The following FBXO2 variants were observed in gnomAD, a reference collection of about 807,000 sequenced individuals.
The protein encoded by FBXO2 is F-box protein 2, also known as F-box only protein 2.
A neutral mutation model predicts 38.6 loss-of-function variants in FBXO2; 32 were observed. That is an observed-to-expected ratio of 0.83 (90% confidence interval 0.62 to 1.11). The LOEUF is 1.11. Ranked by LOEUF, FBXO2 falls within the 50% of genes most tolerant of loss-of-function variation. The pLI is 0.00. For missense variants in FBXO2, 450 were observed against 418.3 expected, an observed-to-expected ratio of 1.08 and a Z score of -0.66; for synonymous variants, 189 against 182.9, an observed-to-expected ratio of 1.03 and a Z score of -0.27.
At chr1:11,652,810 ACCT>A (rs758149884) in intron 1 of FBXO2, among the ~76,000 whole-genome samples, 18 of 152,086 alleles carry the variant, frequency 1.2e-4, no homozygotes, top group Non-Finnish European at 2.6e-4. Context: ...CCAGCCCCTA[ACCT>A]CCTCATATGC....
Position 11,648,910 on chromosome 1 carries a change from G to T in FBXO2, c.757-82C>A. On this transcript the variant is annotated intron_variant, in intron 5 of 5. Coordinates refer to ENST00000354287, the MANE Select transcript of FBXO2 (RefSeq NM_012168.6). The surrounding 1 kb of genome is among the most constrained non-coding windows in gnomAD (Gnocchi z 4.2). Reference sequence around the variant, plus strand: ...CCCACCCCGGTACACCGACCGACCTGCAGCTCCCCCACTCGGTTTCTCCGC... The same window carrying T: ...CCCACCCCGGTACACCGACCGACCTTCAGCTCCCCCACTCGGTTTCTCCGC... 6.4e-7 allele frequency: 1 copy of T among 1,572,104 alleles called. No homozygotes were observed. Among genetic ancestry groups the T allele is most frequent in the Admixed American group, 1.7e-5 (1 of 58,448 alleles).
At position 11,649,875 on chromosome 1, in the gene FBXO2, C is replaced by T; in HGVS notation, c.522-1G>A. 6.2e-7 allele frequency: 1 copy of T among 1,614,058 alleles called. No individual in the cohort carries two copies. Among genetic ancestry groups the T allele is most frequent in the Non-Finnish European group, 8.5e-7 (1 of 1,180,030 alleles). On this transcript the variant is annotated splice_acceptor_variant, in intron 3 of 5. Coordinates refer to ENST00000354287, the MANE Select transcript of FBXO2 (RefSeq NM_012168.6). LOFTEE classifies it high-confidence loss of function. ...AATGACCTGTGCTTTGCGACACCAC[C>T]TGGGAGAACTGGAGTTAGGACAGAG...
Position 11,649,232 on chromosome 1 carries a change from A to AGAGGGAGGGAGCGAGGTG in FBXO2, c.618-25_618-8dup. 1 of 1,066,794 alleles carries AGAGGGAGGGAGCGAGGTG rather than the reference A, an allele frequency of 9.4e-7. No homozygotes were observed. Among genetic ancestry groups the AGAGGGAGGGAGCGAGGTG allele is most frequent in the Non-Finnish European group, 1.3e-6 (1 of 796,628 alleles). The allele number at this position is 1,066,794 out of a possible 1,614,324, so 66.1% of individuals were successfully genotyped here. Reference sequence around the variant, plus strand: ...GTCGCTGCGGCCCGAGTACCTGCTCAGAGGGAGGGAGCGAGGTGGGGGGCG... The same window carrying AGAGGGAGGGAGCGAGGTG: ...GTCGCTGCGGCCCGAGTACCTGCTCAGAGGGAGGGAGCGAGGTGGAGGGAGGGAGCGAGGTGGGGGGCG... On this transcript the variant is annotated splice_polypyrimidine_tract_variant and splice_region_variant and intron_variant, in intron 4 of 5. Coordinates refer to ENST00000354287, the MANE Select transcript of FBXO2 (RefSeq NM_012168.6).
chr1:11,651,089 G>A (rs1321827245), intron 1 of FBXO2, among the ~76,000 whole-genome samples: 10 of 152,170 alleles, frequency 6.6e-5, no homozygotes, highest in African/African-American at 2.2e-4. Context: ...CCCCACGCCT[G>A]GGCAGATGGC....
intron 2 of FBXO2, 22 bp from the exon 3 acceptor site, chr1:11,650,096 A>AC (rs760731893): frequency 2.5e-6 from 4 of 1,611,854 alleles, no homozygotes; most frequent in Non-Finnish European, 3.4e-6. Context: ...CGACAGCCCC[A>AC]CCCTGGTCAC....
intron 1 of FBXO2, among the ~76,000 whole-genome samples, chr1:11,652,219 ATGGGACC>A (rs1212136478): frequency 1.3e-5 from 2 of 152,188 alleles, no homozygotes; most frequent in African/African-American, 4.8e-5. Flanking sequence ...GGAAGGGGAC[ATGGGACC>A]TGGGGCCTTC....
intron 1 of FBXO2, among the ~76,000 whole-genome samples, chr1:11,652,850 G>A (rs1048254724): frequency 2.6e-5 from 4 of 152,204 alleles, no homozygotes; most frequent in Admixed American, 2.0e-4. Context: ...CCAACCCACA[G>A]TCAGGCCCTT....
Position 11,648,936 on chromosome 1 carries a change from G to A in FBXO2, c.757-108C>T, listed in dbSNP as rs1263036638. 2.6e-6 allele frequency: 4 copies of A among 1,528,000 alleles called. No homozygotes were observed. Among genetic ancestry groups the A allele is most frequent in the Middle Eastern group, 2.2e-4 (1 of 4,500 alleles). The allele number at this position is 1,528,000 out of a possible 1,614,324, so 94.7% of individuals were successfully genotyped here. ...CAGCTCCCCCACTCGGTTTCTCCGCGGTATTCAGAACTCTCTCCACCACCC... is the reference window on the plus strand; with the variant it reads ...CAGCTCCCCCACTCGGTTTCTCCGCAGTATTCAGAACTCTCTCCACCACCC... On this transcript the variant is annotated intron_variant, in intron 5 of 5. Coordinates refer to ENST00000354287, the MANE Select transcript of FBXO2 (RefSeq NM_012168.6). This position sits in a 1 kb window ranked among gnomAD's most constrained non-coding sequence, Gnocchi z 4.2.
chr1:11,650,563 C>T lies in FBXO2; in HGVS notation c.294G>A (p.Val98=). 1 of 1,595,320 alleles carries T rather than the reference C, an allele frequency of 6.3e-7. No individual in the cohort carries two copies. Among genetic ancestry groups the T allele is most frequent in the Non-Finnish European group, 8.5e-7 (1 of 1,172,962 alleles). The stretch of plus-strand genomic sequence containing the variant: ...GCTCCTCCTCCACGCCGCCCTCGGG[C>T]ACCAGCCCCTCCTGCTGGCACTTGA... ...WLLKCQQEGL[V]PEGGVEEERD... is the part of the protein sequence containing the mutation. The change falls in exon 2 of 6, where the codon GTG becomes GTA. Residue 98 remains valine, a synonymous_variant. Transcript: ENST00000354287.
intron 4 of FBXO2, 69 bp downstream of exon 4, chr1:11,649,710 C>T: frequency 6.6e-7 from 1 of 1,524,838 alleles, no homozygotes; most frequent in East Asian, 2.3e-5. Context: ...GCGGGGGGTT[C>T]CCCAGCTGGC....
chr1:11,653,946 C>T (rs956564321), intron 1 of FBXO2: 4 of 219,332 alleles, frequency 1.8e-5, no homozygotes, highest in Non-Finnish European at 3.6e-5. Context: ...TTCAGACGGC[C>T]CAAGGCCCAG....
At chr1:11,654,045 G>A (rs1439117809) in intron 1 of FBXO2, 5 of 418,286 alleles carry the variant, frequency 1.2e-5, no homozygotes, top group Admixed American at 4.6e-5. Flanking sequence ...AGGAAGCTGG[G>A]AGGCGGGAAT....
chr1:11,650,951 G>GC (rs772448705), intron 1 of FBXO2, 117 bp from the exon 2 acceptor site: 84 of 1,379,726 alleles, frequency 6.1e-5, no homozygotes, highest in Non-Finnish European at 7.7e-5. Flanking sequence ...CACAGCTGGG[G>GC]CCGGAGATTC....
Position 11,654,341 on chromosome 1 carries a change from C to A in FBXO2, c.-1G>T. 6.9e-7 allele frequency: 1 copy of A among 1,451,442 alleles called. No homozygotes were observed. The highest frequency in any genetic ancestry group is 9.0e-7 in the Non-Finnish European group (1 of 1,109,016). 89.9% of individuals were successfully genotyped at this position (1,451,442 alleles called of 1,614,324 possible). A position where few individuals can be genotyped will look rare whatever the true frequency, so the allele number is the denominator to read the frequency against. ...TACCTGGGTCACCGTCTCCGTCCAT[C>A]GCTGCGGAGGGCGGTCGCGAGAGGA... On this transcript the variant is annotated 5_prime_UTR_variant, in exon 1 of 6. Coordinates refer to ENST00000354287, the MANE Select transcript of FBXO2 (RefSeq NM_012168.6).
In FBXO2 at chr1:11,648,892, C is replaced by T. The variant is rs1639461253; in HGVS notation, c.757-64G>A. On this transcript the variant is annotated intron_variant, in intron 5 of 5. Coordinates refer to ENST00000354287, the MANE Select transcript of FBXO2 (RefSeq NM_012168.6). This position sits in a 1 kb window ranked among gnomAD's most constrained non-coding sequence, Gnocchi z 4.2. ...TGAGGCCTCTCCTGCCGCCCCACCC[C>T]GGTACACCGACCGACCTGCAGCTCC... is the stretch of plus-strand genomic sequence containing the variant. 1.3e-6 allele frequency: 2 copies of T among 1,593,922 alleles called. No homozygotes were observed. The highest frequency in any genetic ancestry group is 1.3e-5 in the African/African-American group (1 of 74,614).
In FBXO2 at chr1:11,648,480, G is replaced by A. The variant is rs115007707; in HGVS notation, c.*214C>T. 1,619 of 624,628 alleles carry A rather than the reference G, an allele frequency of 2.6e-3. 17 individuals are homozygous for A. Among genetic ancestry groups the A allele is most frequent in the African/African-American group, 0.025 (1,387 of 54,620 alleles). The allele number at this position is 624,628 out of a possible 1,614,324, so 38.7% of individuals were successfully genotyped here. A position where few individuals can be genotyped will look rare whatever the true frequency, so the allele number is the denominator to read the frequency against. ...AGCAGTGGGTCCAGTCCAAGCTCAC[G>A]CCCTCACGGATCTACATTCTAGAAG... On this transcript the variant is annotated 3_prime_UTR_variant, in exon 6 of 6. Coordinates refer to ENST00000354287, the MANE Select transcript of FBXO2 (RefSeq NM_012168.6). This position sits in a 1 kb window ranked among gnomAD's most constrained non-coding sequence, Gnocchi z 4.2.
intron 4 of FBXO2, 94 bp from the exon 5 acceptor site, chr1:11,649,319 A>G (rs1368912789): frequency 4.5e-6 from 5 of 1,116,440 alleles, no homozygotes; most frequent in Non-Finnish European, 6.4e-6. Flanking sequence ...GGGGATTTCC[A>G]CAAAAGTCCT....
At chr1:11,650,176 T>C (rs1639490225) in intron 2 of FBXO2, 102 bp from the exon 3 acceptor site, 1 of 1,524,310 alleles carries the variant, frequency 6.6e-7, no homozygotes. Flanking sequence ...ACTTGGTGTC[T>C]TGGTGGGCAG....
chr1:11,652,807 CT>C (rs1639549849), intron 1 of FBXO2, among the ~76,000 whole-genome samples: 2 of 152,330 alleles, frequency 1.3e-5, no homozygotes, highest in South Asian at 4.1e-4. Context: ...CCACCAGCCC[CT>C]AACCTCCTCA....
Sources: gnomAD v4.1 joint callset for allele counts (sites outside exome capture counted in the v4.1 genomes callset) on GRCh38, gnomAD v4.1.1 for gene constraint, Gnocchi (gnomAD v3.1) non-coding constraint, MANE v1.5 for transcripts, NCBI Gene and HGNC (gene_info 2026-07-23, HGNC 2026-07-21) for gene names.